FHOD3: variants seen among roughly 807,000 people sequenced by gnomAD.
FHOD3 encodes formin homology 2 domain containing 3, also known as FH1/FH2 domain-containing protein 3.
A neutral mutation model predicts 173.0 loss-of-function variants in FHOD3; 90 were observed. The ratio of observed to expected loss-of-function variants is 0.52; its 90% CI spans 0.44 to 0.62. The LOEUF (loss-of-function observed/expected upper bound fraction) is 0.62, where lower values mean the gene tolerates loss of function less well. FHOD3 is among the 20% of genes least tolerant of loss of function. FHOD3 has a pLI of 0.00. For missense variants in FHOD3, 1,945 were observed against 2,034.7 expected (o/e 0.96, Z 0.85); for synonymous variants, 828 against 823.0 (o/e 1.01, Z -0.10).
chr18:36,607,639 T>C (rs1169231203), intron 8 of FHOD3, among the ~76,000 whole-genome samples: 1 of 152,186 alleles, frequency 6.6e-6, no homozygotes, highest in Non-Finnish European at 1.5e-5. Context: ...CTACTCTACT[T>C]TCCTTTTAAT....
intron 5 of FHOD3, among the ~76,000 whole-genome samples, chr18:36,543,515 G>A (rs543457090): frequency 1.3e-4 from 20 of 152,126 alleles, no homozygotes; most frequent in Non-Finnish European, 2.8e-4. Context: ...GGACAGTCAG[G>A]AGGAACAGCC....
intron 13 of FHOD3, among the ~76,000 whole-genome samples, chr18:36,656,540 C>T (rs1434865905): frequency 6.6e-6 from 1 of 152,002 alleles, no homozygotes; most frequent in Admixed American, 6.5e-5. Context: ...AGATGCGGGT[C>T]GTATCAATAT....
intron 5 of FHOD3, among the ~76,000 whole-genome samples, chr18:36,532,605 C>T (rs2056832183): frequency 1.3e-5 from 2 of 152,162 alleles, no homozygotes; most frequent in Non-Finnish European, 2.9e-5. Flanking sequence ...AACCGAAGCT[C>T]TTCCAAGAAC....
At chr18:36,581,520 A>T (rs1243757145) in intron 6 of FHOD3, among the ~76,000 whole-genome samples, 1 of 152,152 alleles carries the variant, frequency 6.6e-6, no homozygotes, top group African/African-American at 2.4e-5. Context: ...CTAAGTTCCC[A>T]TCAGCCCCAT....
At chr18:36,639,928 CCA>C (rs1195479648) in intron 10 of FHOD3, among the ~76,000 whole-genome samples, 1 of 151,814 alleles carries the variant, frequency 6.6e-6, no homozygotes, top group Non-Finnish European at 1.5e-5. Flanking sequence ...ATCTGTAACC[CCA>C]GTTACTAATT....
At chr18:36,337,668 T>C (rs181965126) in intron 1 of FHOD3, among the ~76,000 whole-genome samples, 51 of 152,316 alleles carry the variant, frequency 3.3e-4, no homozygotes, top group African/African-American at 1.2e-3. Context: ...CGATTAAAAG[T>C]GCACAAGTTG....
At chr18:36,468,246 CCA>C (rs2053064362) in intron 3 of FHOD3, among the ~76,000 whole-genome samples, 1 of 152,132 alleles carries the variant, frequency 6.6e-6, no homozygotes, top group African/African-American at 2.4e-5. Flanking sequence ...AGTGCCGAAG[CCA>C]TAGGGATAAG....
intron 24 of FHOD3, among the ~76,000 whole-genome samples, chr18:36,754,374 T>A (rs2042536562): frequency 6.6e-6 from 1 of 152,188 alleles, no homozygotes; most frequent in African/African-American, 2.4e-5. Flanking sequence ...CCCACTGTGT[T>A]CTTTCTCATT....
chr18:36,302,905 G>A (rs2091991712), intron 1 of FHOD3, among the ~76,000 whole-genome samples: 1 of 152,200 alleles, frequency 6.6e-6, no homozygotes, highest in Non-Finnish European at 1.5e-5. Flanking sequence ...TTGGAGCCTT[G>A]CTATTGAGAT....
intron 3 of FHOD3, among the ~76,000 whole-genome samples, chr18:36,374,443 A>C (rs2047336228): frequency 6.6e-6 from 1 of 152,236 alleles, no homozygotes; most frequent in Non-Finnish European, 1.5e-5. Context: ...TAATTTAATG[A>C]AATAGTACCA....
At chr18:36,635,488 G>T (rs1453817639) in intron 10 of FHOD3, among the ~76,000 whole-genome samples, 1 of 152,166 alleles carries the variant, frequency 6.6e-6, no homozygotes, top group East Asian at 1.9e-4. Context: ...ATTGGTGCAG[G>T]GCTTTCGCTG....
chr18:36,560,499 C>T (rs954195197), intron 5 of FHOD3, among the ~76,000 whole-genome samples: 1 of 152,202 alleles, frequency 6.6e-6, no homozygotes, highest in African/African-American at 2.4e-5. Context: ...CCATGTCTTC[C>T]CTTCAAAGCT....
chr18:36,474,102 A>G (rs957579875), intron 3 of FHOD3, among the ~76,000 whole-genome samples: 2 of 152,224 alleles, frequency 1.3e-5, no homozygotes, highest in African/African-American at 4.8e-5. Flanking sequence ...GGAATTTAGA[A>G]AACAACATTC....
At chr18:36,626,548 T>C (rs1365096083) in intron 10 of FHOD3, among the ~76,000 whole-genome samples, 1 of 152,152 alleles carries the variant, frequency 6.6e-6, no homozygotes, top group Non-Finnish European at 1.5e-5. Flanking sequence ...TCTTCCCAAA[T>C]GGATGCTCTG....
intron 1 of FHOD3, among the ~76,000 whole-genome samples, chr18:36,329,822 A>AG (rs35271191): frequency 0.77 from 116,579 of 152,144 alleles, 44,851 homozygotes; most frequent in Middle Eastern, 0.85. Context: ...GAGAGAACTA[A>AG]GCAGGGTGCC....
chr18:36,485,033 A>G (rs762226167), intron 3 of FHOD3, among the ~76,000 whole-genome samples: 3 of 152,174 alleles, frequency 2.0e-5, no homozygotes, highest in Non-Finnish European at 4.4e-5. Context: ...TATCTGCTCT[A>G]CAATGATCTG....
intron 5 of FHOD3, among the ~76,000 whole-genome samples, chr18:36,528,690 C>G (rs1292041803): frequency 6.6e-6 from 1 of 152,224 alleles, no homozygotes; most frequent in Non-Finnish European, 1.5e-5. Context: ...GCCAGCGCCA[C>G]ACGCACAGCA....
chr18:36,383,789 T>C (rs2047901204), intron 3 of FHOD3, among the ~76,000 whole-genome samples: 1 of 152,204 alleles, frequency 6.6e-6, no homozygotes, highest in South Asian at 2.1e-4. Context: ...CGCAGTGGTC[T>C]AATCACTTGG....
At chr18:36,505,699 T>C (rs1416574341) in intron 4 of FHOD3, among the ~76,000 whole-genome samples, 2 of 152,196 alleles carry the variant, frequency 1.3e-5, no homozygotes, top group South Asian at 4.1e-4. Context: ...TTGACAAGTT[T>C]GCCAAGGTCA....
Sources: gnomAD v4.1 joint callset for allele counts (sites outside exome capture counted in the v4.1 genomes callset) on GRCh38, gnomAD v4.1.1 for gene constraint, MANE v1.5 for transcripts, NCBI Gene and HGNC (gene_info 2026-07-23, HGNC 2026-07-21) for gene names.